Variants in CACNG3 observed in about 807,000 individuals in gnomAD.
CACNG3 encodes calcium voltage-gated channel auxiliary subunit gamma 3.
Under a neutral mutation model 28.5 loss-of-function variants are expected in CACNG3, and 3 were observed. That is an observed-to-expected ratio of 0.11 (90% CI 0.05 to 0.27). The LOEUF is 0.27. Ranked by LOEUF, CACNG3 falls within the 10% of genes least tolerant of loss-of-function variation. The pLI, the probability that CACNG3 is intolerant of heterozygous loss-of-function variation, is 1.00. For missense variants in CACNG3, 236 were observed against 414.4 expected (o/e 0.57, Z 3.74); for synonymous variants, 174 against 162.2 (o/e 1.07, Z -0.55).
At chr16:24,294,712 T>A (rs1899008557) in intron 1 of CACNG3, among the ~76,000 whole-genome samples, 2 of 152,094 alleles carry the variant, frequency 1.3e-5, no homozygotes, top group Admixed American at 6.6e-5. Context: ...AAATAAGATA[T>A]TTTAGAAAAA....
chr16:24,267,114 C>T lies in CACNG3; in HGVS notation c.211+10149C>T, dbSNP rs188218666. Among the ~76,000 whole-genome samples the T allele has an allele frequency of 5.7e-3, 864 of 151,588 alleles. 10 individuals carry two copies. The highest frequency in any genetic ancestry group is 6.2e-3 in the Non-Finnish European group (423 of 67,832). On this transcript the variant is annotated intron_variant, in intron 1 of 3. Coordinates refer to ENST00000005284, the MANE Select transcript of CACNG3 (RefSeq NM_006539.4). ...CCCGAGTAGCTGGGACTACAGGAGC[C>T]CGCCACCACACCTGGCTAATTTTTT...
chr16:24,304,711 C>G (rs568199422), intron 1 of CACNG3, among the ~76,000 whole-genome samples: 2 of 152,274 alleles, frequency 1.3e-5, no homozygotes, highest in South Asian at 4.1e-4. Context: ...CAGGTACACG[C>G]CACCATGCCC....
In CACNG3 at chr16:24,277,516, C is replaced by T. The variant is rs1180932841; in HGVS notation, c.211+20551C>T. ...GGAGCTGAGTGCGGTGGCTTACACC[C>T]GTGATCCCAGCACTTTGGGAGGCCG... On this transcript the variant is annotated intron_variant, in intron 1 of 3. Coordinates refer to ENST00000005284, the MANE Select transcript of CACNG3 (RefSeq NM_006539.4). Among the ~76,000 whole-genome samples, 11 of 152,068 alleles carry T rather than the reference C, an allele frequency of 7.2e-5. No homozygotes were observed. In the East Asian group the frequency reaches 9.6e-4, roughly 13 times the overall value.
chr16:24,324,738 CTT>C (rs776719470), intron 1 of CACNG3, among the ~76,000 whole-genome samples: 3 of 152,206 alleles, frequency 2.0e-5, no homozygotes, highest in Non-Finnish European at 4.4e-5. Context: ...CTTCTCTCAG[CTT>C]TTCTCTCCTT....
chr16:24,338,670 C>T (rs1282395302), intron 1 of CACNG3, among the ~76,000 whole-genome samples: 1 of 152,072 alleles, frequency 6.6e-6, no homozygotes, highest in African/African-American at 2.4e-5. Flanking sequence ...TTTCAAAGCT[C>T]GGTTATATTG....
At chr16:24,265,467 AAG>A (rs1314740492) in intron 1 of CACNG3, among the ~76,000 whole-genome samples, 1 of 139,222 alleles carries the variant, frequency 7.2e-6, no homozygotes, top group Non-Finnish European at 1.6e-5. Flanking sequence ...AGAAGGAAGG[AAG>A]GAGAGAGAGA....
intron 1 of CACNG3, among the ~76,000 whole-genome samples, chr16:24,301,851 A>G (rs982670097): frequency 3.3e-5 from 5 of 152,142 alleles, no homozygotes; most frequent in African/African-American, 1.2e-4. Flanking sequence ...TTACAGTTTA[A>G]AACAACTGCC....
At chr16:24,277,373 T>A (rs1160941260) in intron 1 of CACNG3, among the ~76,000 whole-genome samples, 2 of 152,076 alleles carry the variant, frequency 1.3e-5, no homozygotes, top group Non-Finnish European at 2.9e-5. Flanking sequence ...ATCTAGCAGG[T>A]GATATCAGGG....
At chr16:24,348,050 C>T (rs376188814) in intron 2 of CACNG3, among the ~76,000 whole-genome samples, 1 of 152,056 alleles carries the variant, frequency 6.6e-6, no homozygotes, top group Non-Finnish European at 1.5e-5. Context: ...ACAGAGAGAA[C>T]TTGATTTGGG....
intron 1 of CACNG3, among the ~76,000 whole-genome samples, chr16:24,331,193 C>A (rs925680199): frequency 6.6e-6 from 1 of 152,096 alleles, no homozygotes; most frequent in Admixed American, 6.6e-5. Context: ...AGGTCCAGGA[C>A]TAACCAGAAT....
At chr16:24,350,116 G>A (rs1596651910) in intron 2 of CACNG3, among the ~76,000 whole-genome samples, 1 of 152,136 alleles carries the variant, frequency 6.6e-6, no homozygotes, top group Non-Finnish European at 1.5e-5. Flanking sequence ...TAAAACAAAT[G>A]CAAGGTGGGC....
At chr16:24,287,710 G>C (rs947769671) in intron 1 of CACNG3, among the ~76,000 whole-genome samples, 1 of 152,070 alleles carries the variant, frequency 6.6e-6, no homozygotes, top group Non-Finnish European at 1.5e-5. Flanking sequence ...TCATCTCCTT[G>C]GGGACAGGTC....
At chr16:24,258,607 G>C (rs890275233) in intron 1 of CACNG3, among the ~76,000 whole-genome samples, 4 of 152,220 alleles carry the variant, frequency 2.6e-5, no homozygotes, top group African/African-American at 9.6e-5. Flanking sequence ...GTGAGCATTT[G>C]TGATTGGGTA....
chr16:24,272,273 G>A (rs1898700807), intron 1 of CACNG3, among the ~76,000 whole-genome samples: 1 of 152,006 alleles, frequency 6.6e-6, no homozygotes, highest in South Asian at 2.1e-4. Flanking sequence ...TTAAAACAAA[G>A]TACACAAGAC....
At chr16:24,282,864 G>T (rs1160157191) in intron 1 of CACNG3, among the ~76,000 whole-genome samples, 1 of 151,832 alleles carries the variant, frequency 6.6e-6, no homozygotes, top group African/African-American at 2.4e-5. Flanking sequence ...TGCTTCACAA[G>T]ATTCTTTTTT....
chr16:24,349,182 G>A (rs1400030961), intron 2 of CACNG3, among the ~76,000 whole-genome samples: 1 of 152,192 alleles, frequency 6.6e-6, no homozygotes, highest in Admixed American at 6.5e-5. Context: ...CCACAACCCT[G>A]GTGGGAATGG....
chr16:24,293,355 C>T (rs548385822), intron 1 of CACNG3, among the ~76,000 whole-genome samples: 1 of 152,188 alleles, frequency 6.6e-6, no homozygotes, highest in South Asian at 2.1e-4. Context: ...TGTTCATCCT[C>T]TGGTTCTCTT....
chr16:24,318,542 A>T (rs1247013520), intron 1 of CACNG3, among the ~76,000 whole-genome samples: 1 of 152,148 alleles, frequency 6.6e-6, no homozygotes, highest in East Asian at 1.9e-4. Flanking sequence ...CTTCTTGCCT[A>T]GTGCCCAGAC....
chr16:24,326,681 C>T (rs748358354), intron 1 of CACNG3, among the ~76,000 whole-genome samples: 3 of 152,152 alleles, frequency 2.0e-5, no homozygotes, highest in Non-Finnish European at 4.4e-5. Flanking sequence ...GAATCACATG[C>T]CCACTTCTGA....
Sources: allele counts gnomAD v4.1 joint callset (sites outside exome capture counted in the v4.1 genomes callset), GRCh38; gene constraint gnomAD v4.1.1; transcripts MANE v1.5; gene names NCBI Gene and HGNC (gene_info 2026-07-23, HGNC 2026-07-21).